The following INPPL1 variants were observed in gnomAD, a reference collection of about 807,000 sequenced individuals.
The protein encoded by INPPL1 is phosphatidylinositol 3,4,5-trisphosphate 5-phosphatase 2.
Under a neutral mutation model 139.3 loss-of-function variants are expected in INPPL1, and 91 were observed. The ratio of observed to expected loss-of-function variants is 0.65; its 90% confidence interval spans 0.55 to 0.78. The LOEUF (loss-of-function observed/expected upper bound fraction) is 0.78. Ranked by LOEUF, INPPL1 falls within the 30% of genes least tolerant of loss-of-function variation. INPPL1 has a pLI of 0.00. For missense variants in INPPL1, 1,411 were observed against 1,665.6 expected, an observed-to-expected ratio of 0.85 and a Z score of 2.66; for synonymous variants, 719 against 686.6, an observed-to-expected ratio of 1.05 and a Z score of -0.74.
chr11:72,237,955 CT>C, intron 26 of INPPL1, 86 bp from the exon 27 acceptor site: 1 of 1,468,038 alleles, frequency 6.8e-7, no homozygotes, highest in Non-Finnish European at 9.0e-7. Context: ...CCTTCCCTTC[CT>C]TTTCCCCAGA....
Position 72,229,493 on chromosome 11 carries a change from G to T in INPPL1, c.688G>T (p.Glu230Ter). 6.2e-7 allele frequency: 1 copy of T among 1,614,174 alleles called. No individual in the cohort carries two copies. Among genetic ancestry groups the T allele is most frequent in the Non-Finnish European group, 8.5e-7 (1 of 1,180,024 alleles). The change falls in exon 6 of 28, where the codon GAG becomes TAG. Residue 230 changes from glutamate (E) to a stop codon, truncating the protein, a stop_gained. Coordinates refer to ENST00000298229, the MANE Select transcript of INPPL1 (RefSeq NM_001567.4). LOFTEE classifies it high-confidence loss of function. Reference protein sequence around the residue: ...SEVDKVLSGLEILSKVFDQQS... With the variant: ...SEVDKVLSGL ...GGTGGACAAGGTCCTGTCAGGCCTGGAGATCCTGTCCAAGGTGTTTGACCA... is the reference window on the plus strand; with the variant it reads ...GGTGGACAAGGTCCTGTCAGGCCTGTAGATCCTGTCCAAGGTGTTTGACCA...
intron 25 of INPPL1, 71 bp downstream of exon 25, chr11:72,236,057 T>TCA (rs1426747290): frequency 8.1e-5 from 68 of 843,844 alleles, no homozygotes; most frequent in Non-Finnish European, 1.1e-4. Context: ...CCCTGCAGGG[T>TCA]CTCAGGGTTG....
Position 72,231,543 on chromosome 11 carries a change from A to G in INPPL1, c.1543A>G (p.Lys515Glu). ...LWNIKVAVLVKPEHENRISHV... is the reference protein window; with the variant it reads ...LWNIKVAVLVEPEHENRISHV... ...GAATATCAAGGTGGCAGTGCTGGTC[A>G]AGCCAGAGCACGAGAACCGTATCAG... is the stretch of plus-strand genomic sequence containing the variant. Residue 515 changes from lysine (K) to glutamate (E), a missense_variant, in exon 13 of 28, where the codon AAG (lysine) becomes GAG (glutamate). Lys to Glu is a moderately conservative substitution (Grantham distance 56). Transcript: ENST00000298229. 6.2e-7 allele frequency: 1 copy of G among 1,614,050 alleles called. No homozygotes were observed. Among genetic ancestry groups the G allele is most frequent in the South Asian group, 1.1e-5 (1 of 91,076 alleles).
chr11:72,226,433 G>A (rs1427593287), intron 1 of INPPL1, among the ~76,000 whole-genome samples: 5 of 152,016 alleles, frequency 3.3e-5, no homozygotes, highest in Admixed American at 6.6e-5. Context: ...CACCTGCCCC[G>A]GCCTCTCAAA....
In INPPL1 at chr11:72,228,440, G is replaced by A; in HGVS notation, c.339G>A (p.Leu113=). Residue 113 remains leucine, a synonymous_variant, in exon 3 of 28, where the codon CTG becomes CTA. Transcript: ENST00000298229. This position sits in a 1 kb window ranked among gnomAD's most constrained non-coding sequence, Gnocchi z 5.0. The part of the protein sequence containing the change: ...AQPNQGLVCA[L]LLPVEGEREP... Reference sequence around the variant, plus strand: ...CCAACCAGGGCCTTGTGTGCGCCCTGCTTCTTCCTGTAGAGGGTGAGCGAG... The same window carrying A: ...CCAACCAGGGCCTTGTGTGCGCCCTACTTCTTCCTGTAGAGGGTGAGCGAG... 1 of 1,612,254 alleles carries A rather than the reference G, an allele frequency of 6.2e-7. No homozygotes were observed. Among genetic ancestry groups the A allele is most frequent in the Non-Finnish European group, 8.5e-7 (1 of 1,180,004 alleles).
chr11:72,229,827 G>A (rs1373448984), intron 7 of INPPL1, 75 bp downstream of exon 7: 5 of 1,561,736 alleles, frequency 3.2e-6, no homozygotes, highest in African/African-American at 1.4e-5. Context: ...TCAACCCTCA[G>A]TCTACAACTT....
Position 72,238,448 on chromosome 11 carries a change from C to A in INPPL1, c.*95C>A. ...GGTTGAAAAGTTATGAGGGTCAGGG[C>A]AGTATCTCTCTGCCTATTTATTGGG... is the stretch of plus-strand genomic sequence containing the variant. On this transcript the variant is annotated 3_prime_UTR_variant, in exon 28 of 28. Transcript: ENST00000298229. 2 of 999,742 alleles carry A rather than the reference C, an allele frequency of 2.0e-6. No homozygotes were observed. Among genetic ancestry groups the A allele is most frequent in the South Asian group, 1.9e-5 (1 of 53,254 alleles). 61.9% of individuals were successfully genotyped at this position (999,742 alleles called of 1,614,324 possible).
In INPPL1 at chr11:72,238,557, A is replaced by G; in HGVS notation, c.*204A>G. The G allele has an allele frequency of 6.5e-6, 3 of 459,546 alleles. No individual in the cohort carries two copies. The highest frequency in any genetic ancestry group is 1.1e-5 in the Non-Finnish European group (3 of 264,176). The allele number at this position is 459,546 out of a possible 1,614,324, so 28.5% of individuals were successfully genotyped here. A position where few individuals can be genotyped will look rare whatever the true frequency, so the allele number is the denominator to read the frequency against. ...TAGGGCATCCTGCCCCTCGCCTTTT[A>G]GGCTCAGGACGGAAGGTCAGTTGCC... On this transcript the variant is annotated 3_prime_UTR_variant, in exon 28 of 28. Transcript: ENST00000298229.
In INPPL1 at chr11:72,228,413, G is replaced by A; in HGVS notation, c.312G>A (p.Gln104=). 1.2e-6 allele frequency: 2 copies of A among 1,613,018 alleles called. No individual in the cohort carries two copies. Among genetic ancestry groups the A allele is most frequent in the South Asian group, 2.2e-5 (2 of 91,082 alleles). ...TLGELIGLYA[Q]PNQGLVCALL... Reference sequence around the variant, plus strand: ...GTGAGCTCATCGGCCTGTACGCCCAGCCCAACCAGGGCCTTGTGTGCGCCC... The same window carrying A: ...GTGAGCTCATCGGCCTGTACGCCCAACCCAACCAGGGCCTTGTGTGCGCCC... The change falls in exon 3 of 28, where the codon CAG becomes CAA. Residue 104 remains glutamine, a synonymous_variant. Transcript: ENST00000298229. The surrounding 1 kb of genome is among the most constrained non-coding windows in gnomAD (Gnocchi z 5.0).
In INPPL1 at chr11:72,235,088, T is replaced by C. The variant is rs563610989; in HGVS notation, c.2416-28T>C. ...GGCAGGAGGAAGTGGCGGGGCTTTG[T>C]TCCTCACTGGGCCTCCCTGCTTCCC... On this transcript the variant is annotated intron_variant, in intron 21 of 27. Transcript: ENST00000298229. This position sits in a 1 kb window ranked among gnomAD's most constrained non-coding sequence, Gnocchi z 4.9. The C allele has an allele frequency of 8.2e-6, 13 of 1,591,288 alleles. No individual in the cohort carries two copies. The African/African-American group carries it at 1.2e-4, about 15-fold the overall frequency.
intron 25 of INPPL1, 100 bp from the exon 26 acceptor site, chr11:72,237,024 G>C (rs1241158332): frequency 4.8e-5 from 50 of 1,040,194 alleles, no homozygotes; most frequent in Non-Finnish European, 6.4e-5. Context: ...TCTAGGACCA[G>C]GGGACTTTCT....
chr11:72,230,634 G>T, intron 10 of INPPL1, 162 bp from the exon 11 acceptor site: 1 of 845,668 alleles, frequency 1.2e-6, no homozygotes, highest in Middle Eastern at 3.5e-4. Context: ...GCCTGAGGGT[G>T]GATAACATTT....
At position 72,235,409 on chromosome 11, in the gene INPPL1, C is replaced by T. The variant is rs757101862; in HGVS notation, c.2617C>T (p.Arg873Trp). 1.5e-5 allele frequency: 24 copies of T among 1,613,462 alleles called. No homozygotes were observed. The highest frequency in any genetic ancestry group is 3.3e-5 in the Admixed American group (2 of 59,994). ...CAATATCAGAGGCTCCATGAAGGTG[C>T]GGGTGCCCACGGAGCGCCTGGGCAC... Reference protein sequence around the residue: ...TGNIRGSMKVRVPTERLGTRE... With the variant: ...TGNIRGSMKVWVPTERLGTRE... The change falls in exon 23 of 28, where the codon CGG (arginine) becomes TGG (tryptophan). Residue 873 changes from arginine (R) to tryptophan (W), a missense_variant. Physicochemically the swap from Arg to Trp is moderately radical, Grantham distance 101. Coordinates refer to ENST00000298229, the MANE Select transcript of INPPL1 (RefSeq NM_001567.4). The surrounding 1 kb of genome is among the most constrained non-coding windows in gnomAD (Gnocchi z 4.9).
upstream of INPPL1, among the ~76,000 whole-genome samples, chr11:72,224,514 T>G (rs1948609714): frequency 7.7e-6 from 1 of 129,578 alleles, no homozygotes. Flanking sequence ...TCCCGAAGTG[T>G]CGGGGCCAGG....
intron 1 of INPPL1, 179 bp downstream of exon 1, chr11:72,225,345 T>G (rs1948640738): frequency 1.0e-6 from 1 of 985,390 alleles, no homozygotes; most frequent in Non-Finnish European, 1.2e-6. Flanking sequence ...GGGCACTTCC[T>G]GCTGTGTGTC....
In INPPL1 at chr11:72,231,494, C is replaced by T. The variant is rs752436257; in HGVS notation, c.1498-4C>T. The T allele has an allele frequency of 3.1e-6, 5 of 1,602,294 alleles. No homozygotes were observed. Among genetic ancestry groups the T allele is most frequent in the Non-Finnish European group, 3.4e-6 (4 of 1,169,524 alleles). ...GCAGTGGTGACCATGCACTCTCTAC[C>T]CAGATTGCCATGCAATCACTGTGGA... On this transcript the variant is annotated splice_region_variant and splice_polypyrimidine_tract_variant and intron_variant, in intron 12 of 27. Coordinates refer to ENST00000298229, the MANE Select transcript of INPPL1 (RefSeq NM_001567.4).
chr11:72,233,813 T>C (rs1948904372), intron 19 of INPPL1, 69 bp downstream of exon 19: 1 of 1,269,662 alleles, frequency 7.9e-7, no homozygotes, highest in African/African-American at 1.5e-5. Flanking sequence ...CCTCGGGATG[T>C]ACATAGGTTT....
chr11:72,232,096 G>A (rs1948851562), intron 13 of INPPL1, 144 bp from the exon 14 acceptor site: 2 of 673,520 alleles, frequency 3.0e-6, no homozygotes, highest in Non-Finnish European at 2.6e-6. Context: ...GGGAAGGTGT[G>A]GGTGTGTGCA....
rs1339103419 is a variant in INPPL1 at position 72,239,083 on chromosome 11, C to T, written c.*730C>T. ...CGTAAGGGTTGCGGCGTGATGTCTTCAATAAATTAAGTTTTATTTGGATTG... is the reference window on the plus strand; with the variant it reads ...CGTAAGGGTTGCGGCGTGATGTCTTTAATAAATTAAGTTTTATTTGGATTG... On this transcript the variant is annotated 3_prime_UTR_variant, in exon 28 of 28. Transcript: ENST00000298229. 1 of 152,090 alleles carries T rather than the reference C, an allele frequency of 6.6e-6. No homozygotes were observed. Among genetic ancestry groups the T allele is most frequent in the East Asian group, 1.9e-4 (1 of 5,186 alleles). 9.4% of individuals were successfully genotyped at this position (152,090 alleles called of 1,614,324 possible).
Sources: gnomAD v4.1 joint callset for allele counts (sites outside exome capture counted in the v4.1 genomes callset) on GRCh38, gnomAD v4.1.1 for gene constraint, Gnocchi (gnomAD v3.1) non-coding constraint, MANE v1.5 for transcripts, NCBI Gene and HGNC (gene_info 2026-07-23, HGNC 2026-07-21) for gene names.